The following ALK variants were observed in gnomAD, a reference collection of about 807,000 sequenced individuals.
ALK encodes ALK receptor tyrosine kinase, also known as ALK tyrosine kinase receptor.
A neutral mutation model predicts 163.1 loss-of-function variants in ALK; 74 were observed. The ratio of observed to expected loss-of-function variants is 0.45; its 90% CI spans 0.38 to 0.55. The LOEUF is 0.55. Among genes scored for constraint, ALK ranks in the 20% least tolerant of loss-of-function variants. The pLI, the probability that ALK is intolerant of heterozygous loss-of-function variation, is 0.00. For synonymous variants in ALK, 960 were observed against 843.2 expected, an observed-to-expected ratio of 1.14 and a Z score of -2.40; for missense variants, 2,063 against 2,105.3, an observed-to-expected ratio of 0.98 and a Z score of 0.39.
chr2:29,301,446 A>G (rs865953388), intron 8 of ALK, among the ~76,000 whole-genome samples: 4 of 152,196 alleles, frequency 2.6e-5, no homozygotes, highest in Non-Finnish European at 5.9e-5. Flanking sequence ...GTAGGAACCA[A>G]TCAATGTCAG....
chr2:29,696,496 C>CG (rs1222327420), intron 2 of ALK, among the ~76,000 whole-genome samples: 4 of 136,612 alleles, frequency 2.9e-5, no homozygotes, highest in Admixed American at 7.7e-5. Flanking sequence ...AACAAACCTG[C>CG]ATGTTCGCAC....
intron 3 of ALK, among the ~76,000 whole-genome samples, chr2:29,671,504 G>A (rs1257031385): frequency 6.6e-6 from 1 of 152,034 alleles, no homozygotes; most frequent in Non-Finnish European, 1.5e-5. Context: ...TGCTTCCTGT[G>A]CATTAAGGGA....
intron 4 of ALK, among the ~76,000 whole-genome samples, chr2:29,395,623 T>C (rs1573315350): frequency 6.6e-6 from 1 of 152,326 alleles, no homozygotes; most frequent in East Asian, 1.9e-4. Flanking sequence ...AGGCAAGCCA[T>C]AGAAATGAGA....
chr2:29,696,697 AAG>A (rs1290202982), intron 2 of ALK, among the ~76,000 whole-genome samples: 2 of 152,182 alleles, frequency 1.3e-5, no homozygotes, highest in Non-Finnish European at 2.9e-5. Context: ...CCACCCATAG[AAG>A]AGAATCACTG....
chr2:29,426,136 G>C (rs750644927), intron 4 of ALK, among the ~76,000 whole-genome samples: 3 of 152,212 alleles, frequency 2.0e-5, no homozygotes, highest in Non-Finnish European at 2.9e-5. Context: ...TGGTTTAACA[G>C]AGATCAGGGA....
In ALK at chr2:29,480,223, T is replaced by A. The variant is rs563049873; in HGVS notation, c.1154+51692A>T. Among the ~76,000 whole-genome samples the A allele has an allele frequency of 2.6e-5, 4 of 152,242 alleles. No homozygotes were observed. The South Asian group carries it at 8.3e-4, about 32-fold the overall frequency. ...CTCATGTGGAATAACACCAGCAACC[T>A]CAGCAGAGTGACGTGAGGCTGAAGG... On this transcript the variant is annotated intron_variant, in intron 4 of 28. Transcript: ENST00000389048.
intron 3 of ALK, among the ~76,000 whole-genome samples, chr2:29,538,948 G>A (rs1261967844): frequency 1.3e-5 from 2 of 151,994 alleles, no homozygotes; most frequent in African/African-American, 4.8e-5. Flanking sequence ...ATATATTTAT[G>A]ACTTCTTCCA....
intron 11 of ALK, among the ~76,000 whole-genome samples, chr2:29,252,095 C>G (rs1316834473): frequency 6.6e-6 from 1 of 152,072 alleles, no homozygotes; most frequent in Non-Finnish European, 1.5e-5. Context: ...TCACCCATTC[C>G]TGGTGTTCTG....
At chr2:29,786,952 C>T (rs1302133484) in intron 1 of ALK, among the ~76,000 whole-genome samples, 2 of 152,158 alleles carry the variant, frequency 1.3e-5, no homozygotes, top group African/African-American at 2.4e-5. Context: ...ACCACCACCA[C>T]GCCTGGCTAA....
At position 29,739,314 on chromosome 2, in the gene ALK, C is replaced by T. The variant is rs184112395; in HGVS notation, c.668-21617G>A. 2.1e-3 allele frequency among the ~76,000 whole-genome samples: 309 copies of T among 145,052 alleles called. 3 individuals carry two copies. The highest frequency in any genetic ancestry group is 7.7e-3 in the African/African-American group (298 of 38,828). On this transcript the variant is annotated intron_variant, in intron 1 of 28. Transcript: ENST00000389048. ...GTGGCTCACACCTGTAATCCCAGCA[C>T]GCTGGGAGCCCAAGGCGGGTAGATC... is the stretch of plus-strand genomic sequence containing the variant.
intron 3 of ALK, among the ~76,000 whole-genome samples, chr2:29,532,688 A>G (rs577605810): frequency 7.2e-5 from 11 of 152,324 alleles, no homozygotes; most frequent in African/African-American, 2.4e-4. Context: ...GAGCAAGCCA[A>G]TCTTGATTCC....
At chr2:29,721,230 C>T (rs756049345) in intron 1 of ALK, among the ~76,000 whole-genome samples, 1 of 152,136 alleles carries the variant, frequency 6.6e-6, no homozygotes, top group Non-Finnish European at 1.5e-5. Flanking sequence ...TGTATCATCC[C>T]CCTAATGTCC....
intron 4 of ALK, among the ~76,000 whole-genome samples, chr2:29,493,254 T>C (rs1280540128): frequency 6.6e-6 from 1 of 152,242 alleles, no homozygotes; most frequent in Admixed American, 6.5e-5. Context: ...GATTTTCAAA[T>C]GGCTCCACCT....
chr2:29,757,058 AGCAGGATCCTTTGTGCATTGAG>A (rs1451348464), intron 1 of ALK, among the ~76,000 whole-genome samples: 2 of 152,176 alleles, frequency 1.3e-5, no homozygotes, highest in African/African-American at 4.8e-5. Flanking sequence ...GTTACAGTTG[AGCAGGATCCTTTGTGCATTGAG>A]GCAGTGAGCT....
At chr2:29,893,527 G>A (rs901469134) in intron 1 of ALK, among the ~76,000 whole-genome samples, 24 of 152,188 alleles carry the variant, frequency 1.6e-4, no homozygotes, top group African/African-American at 4.8e-4. Flanking sequence ...ACAACCTCCC[G>A]AATTTGATTC....
At chr2:29,626,088 G>A (rs140481911) in intron 3 of ALK, among the ~76,000 whole-genome samples, 181 of 152,354 alleles carry the variant, frequency 1.2e-3, no homozygotes, top group African/African-American at 4.3e-3. Flanking sequence ...CTGATGGTGT[G>A]TGTGTGCTAT....
chr2:29,253,291 T>C (rs1327989100), intron 11 of ALK, among the ~76,000 whole-genome samples: 1 of 152,162 alleles, frequency 6.6e-6, no homozygotes, highest in East Asian at 1.9e-4. Flanking sequence ...CTGTGCTACG[T>C]CACCACACGA....
chr2:29,637,440 A>T (rs994644663), intron 3 of ALK, among the ~76,000 whole-genome samples: 1 of 152,108 alleles, frequency 6.6e-6, no homozygotes, highest in Non-Finnish European at 1.5e-5. Context: ...AAGTGATGAG[A>T]GAGGAGGGAA....
At chr2:29,346,841 T>C (rs1050725513) in intron 5 of ALK, among the ~76,000 whole-genome samples, 1 of 152,078 alleles carries the variant, frequency 6.6e-6, no homozygotes, top group African/African-American at 2.4e-5. Context: ...AGGAGAAGAA[T>C]GAAGCACGGA....
Sources: allele counts gnomAD v4.1 joint callset (sites outside exome capture counted in the v4.1 genomes callset), GRCh38; gene constraint gnomAD v4.1.1; transcripts MANE v1.5; gene names NCBI Gene and HGNC (gene_info 2026-07-23, HGNC 2026-07-21).